PXYLP1: variants seen among roughly 807,000 people sequenced by gnomAD.
PXYLP1 encodes the protein acid phosphatase-like 2.
In PXYLP1, 17 loss-of-function variants were observed where a neutral mutation model predicts 37.9. The ratio of observed to expected loss-of-function variants is 0.45; its 90% CI spans 0.31 to 0.67. The LOEUF (loss-of-function observed/expected upper bound fraction) is 0.67. PXYLP1 is among the 30% of genes least tolerant of loss of function. The pLI is 0.07. For missense variants in PXYLP1, 511 were observed against 612.0 expected (o/e 0.84, Z 1.74); for synonymous variants, 221 against 232.2 (o/e 0.95, Z 0.44).
intron 1 of PXYLP1, among the ~76,000 whole-genome samples, chr3:141,236,647 A>T (rs1212018929): frequency 6.6e-6 from 1 of 152,212 alleles, no homozygotes; most frequent in Non-Finnish European, 1.5e-5. Context: ...TTTTAACCGT[A>T]AAATAAAATG....
At chr3:141,287,937 A>T (rs1036626649) in intron 5 of PXYLP1, among the ~76,000 whole-genome samples, 7 of 152,240 alleles carry the variant, frequency 4.6e-5, no homozygotes, top group African/African-American at 1.7e-4. Context: ...CATTTATTTA[A>T]CTAATCTCAT....
chr3:141,265,161 A>G (rs1031564798), intron 2 of PXYLP1, among the ~76,000 whole-genome samples: 3 of 152,124 alleles, frequency 2.0e-5, no homozygotes, highest in African/African-American at 7.2e-5. Context: ...TGAAGTTGGA[A>G]CAAAGTCTGG....
At chr3:141,253,374 T>A (rs1941188508) in intron 1 of PXYLP1, among the ~76,000 whole-genome samples, 1 of 152,214 alleles carries the variant, frequency 6.6e-6, no homozygotes, top group African/African-American at 2.4e-5. Flanking sequence ...CTTCCCTGCA[T>A]GTATCAGTGT....
At chr3:141,255,518 C>T (rs1221315692) in intron 1 of PXYLP1, among the ~76,000 whole-genome samples, 1 of 152,244 alleles carries the variant, frequency 6.6e-6, no homozygotes, top group Non-Finnish European at 1.5e-5. Flanking sequence ...TAGCACCTCA[C>T]CCTGCCGGTG....
intron 1 of PXYLP1, among the ~76,000 whole-genome samples, chr3:141,239,273 C>G (rs1940736753): frequency 6.6e-6 from 1 of 152,196 alleles, no homozygotes; most frequent in African/African-American, 2.4e-5. Flanking sequence ...GTGTGTCTGT[C>G]TCCGTTGCAG....
chr3:141,250,562 TTCA>T (rs1241100157), intron 1 of PXYLP1, among the ~76,000 whole-genome samples: 4 of 152,200 alleles, frequency 2.6e-5, no homozygotes, highest in African/African-American at 9.6e-5. Context: ...CATGACACAC[TTCA>T]GCCAGTGAGA....
intron 1 of PXYLP1, among the ~76,000 whole-genome samples, chr3:141,252,896 C>T (rs1288396443): frequency 6.6e-6 from 1 of 152,178 alleles, no homozygotes; most frequent in African/African-American, 2.4e-5. Flanking sequence ...GGAGCCACGC[C>T]TCATGACTAT....
chr3:141,287,385 G>T lies in PXYLP1; in HGVS notation c.437G>T (p.Ser146Ile), dbSNP rs1942101570. 1 of 1,613,964 alleles carries T rather than the reference G, an allele frequency of 6.2e-7. No individual in the cohort carries two copies. Among genetic ancestry groups the T allele is most frequent in the Non-Finnish European group, 8.5e-7 (1 of 1,180,020 alleles). The change falls in exon 5 of 6, where the codon AGC (serine) becomes ATC (isoleucine). Residue 146 changes from serine to isoleucine, a missense_variant. Physicochemically the swap from Ser to Ile is moderately radical, Grantham distance 142. Coordinates refer to ENST00000286353, the MANE Select transcript of PXYLP1 (RefSeq NM_001037172.3). ...AAAGGATCCGGAGCCTCTTTCGAAA[G>T]CCCCTTGAACTCCTTGCCTCTTTAC... The part of the protein sequence containing the change: ...MSKGSGASFE[S>I]PLNSLPLYPN...
At chr3:141,282,483 AACACACACACACACAC>A (rs3069374) in intron 4 of PXYLP1, among the ~76,000 whole-genome samples, 1 of 147,524 alleles carries the variant, frequency 6.8e-6, no homozygotes, top group East Asian at 2.0e-4. Context: ...AACCCAGACA[AACACACACACACACAC>A]ACACACACAC....
chr3:141,269,615 C>A (rs746012166), intron 2 of PXYLP1, among the ~76,000 whole-genome samples: 1 of 152,034 alleles, frequency 6.6e-6, no homozygotes, highest in East Asian at 1.9e-4. Flanking sequence ...TCTTGTAAAC[C>A]CCCAGAAGTC....
At chr3:141,253,434 C>T (rs139242032) in intron 1 of PXYLP1, among the ~76,000 whole-genome samples, 1 of 152,316 alleles carries the variant, frequency 6.6e-6, no homozygotes, top group Non-Finnish European at 1.5e-5. Flanking sequence ...AATACCTCCC[C>T]ACCACCTTTA....
intron 1 of PXYLP1, chr3:141,234,292 A>G (rs1940607437): frequency 6.6e-6 from 1 of 152,110 alleles, no homozygotes; most frequent in Admixed American, 6.5e-5. Context: ...CATGAAGAAA[A>G]TCAGTTGTCT....
chr3:141,257,071 C>T (rs1046223494), intron 1 of PXYLP1, among the ~76,000 whole-genome samples: 2 of 152,200 alleles, frequency 1.3e-5, no homozygotes, highest in African/African-American at 2.4e-5. Context: ...TATTAAAGAA[C>T]GTAGACAAGA....
rs533404122 is a variant in PXYLP1, at chr3:141,261,463, A to G, written c.79+1209A>G. On this transcript the variant is annotated intron_variant, in intron 2 of 5. Transcript: ENST00000286353. ...GATTAGTGCCATTTTTTTCAGCACA[A>G]TAATAAGCAACCAATAAAGCAATTA... 2.0e-5 allele frequency among the ~76,000 whole-genome samples: 3 copies of G among 152,358 alleles called. No individual in the cohort carries two copies. The South Asian group carries it at 6.2e-4, about 32-fold the overall frequency.
chr3:141,256,526 ACACACACACACGTATGCGCGTGTGCG>A lies in PXYLP1; in HGVS notation c.-53-3585_-53-3560del, dbSNP rs1309519962. On this transcript the variant is annotated intron_variant, in intron 1 of 5. Transcript: ENST00000286353. ...CACAGGCACGTGCACGTATACATAC[ACACACACACACGTATGCGCGTGTGCG>A]CACACACACACACCCCTACTCCTTG... Among the ~76,000 whole-genome samples, 70 of 151,980 alleles carry A rather than the reference ACACACACACACGTATGCGCGTGTGCG, an allele frequency of 4.6e-4. 2 individuals carry two copies. In the South Asian group the frequency reaches 0.015, roughly 32 times the overall value.
chr3:141,250,495 G>T (rs1302848446), intron 1 of PXYLP1, among the ~76,000 whole-genome samples: 2 of 152,200 alleles, frequency 1.3e-5, no homozygotes, highest in African/African-American at 2.4e-5. Flanking sequence ...ATCCTGATTG[G>T]TTCCACCCAG....
intron 2 of PXYLP1, among the ~76,000 whole-genome samples, chr3:141,277,824 A>G (rs919320411): frequency 1.3e-5 from 2 of 152,154 alleles, no homozygotes; most frequent in African/African-American, 4.8e-5. Flanking sequence ...GCTTTCACCC[A>G]CCACACATGC....
At chr3:141,257,183 A>G (rs1941281760) in intron 1 of PXYLP1, among the ~76,000 whole-genome samples, 1 of 152,184 alleles carries the variant, frequency 6.6e-6, no homozygotes, top group Non-Finnish European at 1.5e-5. Context: ...TTATTGTATC[A>G]GTTAGCTTTT....
intron 1 of PXYLP1, among the ~76,000 whole-genome samples, chr3:141,235,778 C>T (rs1335863984): frequency 6.6e-6 from 1 of 152,218 alleles, no homozygotes; most frequent in African/African-American, 2.4e-5. Flanking sequence ...CCCGTGAACC[C>T]AGAATGAATT....
Sources: allele counts gnomAD v4.1 joint callset (sites outside exome capture counted in the v4.1 genomes callset), GRCh38; gene constraint gnomAD v4.1.1; transcripts MANE v1.5; gene names NCBI Gene and HGNC (gene_info 2026-07-23, HGNC 2026-07-21).